SUCLA2: variants seen among roughly 807,000 people sequenced by gnomAD.
The protein encoded by SUCLA2 is succinate-CoA ligase ADP-forming subunit beta, also known as succinate--CoA ligase [ADP-forming] subunit beta, mitochondrial.
SUCLA2 carries 30 observed loss-of-function variants against 54.8 expected under a neutral mutation model. That is an observed-to-expected ratio of 0.55 (90% confidence interval 0.41 to 0.74). The LOEUF is 0.74. SUCLA2 is among the 30% of genes least tolerant of loss of function. SUCLA2 has a pLI of 0.00. For synonymous variants in SUCLA2, 172 were observed against 188.9 expected (o/e 0.91, Z 0.74); for missense variants, 476 against 562.9 (o/e 0.85, Z 1.56).
intron 8 of SUCLA2, among the ~76,000 whole-genome samples, chr13:47,951,308 G>C (rs9534880): frequency 0.72 from 96,825 of 133,882 alleles, 36,390 homozygotes; most frequent in Non-Finnish European, 0.81. Context: ...CCTCTAGTCC[G>C]CCACCCCGCC....
At chr13:47,963,437 A>T (rs970279026) in intron 6 of SUCLA2, among the ~76,000 whole-genome samples, 2 of 152,168 alleles carry the variant, frequency 1.3e-5, no homozygotes, top group African/African-American at 4.8e-5. Context: ...TGAGGTCAAG[A>T]GTTTGAGACC....
chr13:47,952,534 A>G (rs1481819233), intron 8 of SUCLA2, among the ~76,000 whole-genome samples: 1 of 151,994 alleles, frequency 6.6e-6, no homozygotes, highest in Non-Finnish European at 1.5e-5. Flanking sequence ...TCACCACCCA[A>G]TGATTCTCCC....
intron 4 of SUCLA2, chr13:47,987,800 G>A (rs1000226472): frequency 3.3e-5 from 5 of 151,894 alleles, no homozygotes; most frequent in Non-Finnish European, 7.4e-5. Flanking sequence ...AATCCGTACT[G>A]GGGCTTTCAA....
intron 6 of SUCLA2, among the ~76,000 whole-genome samples, chr13:47,966,520 G>T (rs1304955819): frequency 1.7e-5 from 1 of 58,126 alleles, no homozygotes; most frequent in Non-Finnish European, 4.5e-5. Context: ...AGTAATTGCC[G>T]TTTTTAAAAA....
chr13:47,965,447 A>G, intron 6 of SUCLA2: 1 of 392,946 alleles, frequency 2.5e-6, no homozygotes, highest in Non-Finnish European at 4.5e-6. Flanking sequence ...CATCAAACAG[A>G]GAAACACAAA....
intron 4 of SUCLA2, among the ~76,000 whole-genome samples, chr13:47,981,529 G>A (rs78190299): frequency 0.013 from 1,912 of 152,182 alleles, 49 homozygotes; most frequent in African/African-American, 0.044. Flanking sequence ...AAAATGGTAC[G>A]GCTCAGCTAG....
chr13:47,994,951 T>G (rs1176769665), intron 2 of SUCLA2: 2 of 658,602 alleles, frequency 3.0e-6, no homozygotes, highest in Non-Finnish European at 3.8e-6. Flanking sequence ...GCATCTGAAT[T>G]AATCCTATTC....
chr13:47,943,211 G>T lies in SUCLA2; in HGVS notation c.*160C>A. On this transcript the variant is annotated 3_prime_UTR_variant, in exon 11 of 11. Coordinates refer to ENST00000646932, the MANE Select transcript of SUCLA2 (RefSeq NM_003850.3). ...TCGTACAAACAGTCCATTCTGAATG[G>T]TACAATTAAATGCAGTCCAAATCCT... 1.3e-6 allele frequency: 1 copy of T among 761,036 alleles called. No individual in the cohort carries two copies. Among genetic ancestry groups the T allele is most frequent in the Non-Finnish European group, 2.4e-6 (1 of 424,660 alleles). The allele number at this position is 761,036 out of a possible 1,614,324, so 47.1% of individuals were successfully genotyped here.
rs6561422 is a variant in SUCLA2 at position 47,982,516 on chromosome 13, G to T, written c.534+6025C>A. On this transcript the variant is annotated intron_variant, in intron 4 of 10. Transcript: ENST00000646932. ...AAAATTAAAGAAAAAAAAAGATTTG[G>T]ATATCTGTTCTGGAGATGTTGCACA... Among the ~76,000 whole-genome samples, 467 of 152,146 alleles carry T rather than the reference G, an allele frequency of 3.1e-3. 3 individuals carry two copies. Among genetic ancestry groups the T allele is most frequent in the African/African-American group, 0.011 (447 of 41,496 alleles).
chr13:47,969,288 G>A (rs960484461), intron 5 of SUCLA2, among the ~76,000 whole-genome samples: 2 of 150,464 alleles, frequency 1.3e-5, no homozygotes, highest in African/African-American at 4.8e-5. Context: ...TTTACCTTTT[G>A]TATAATTTAT....
chr13:47,959,512 AGGAG>A (rs1949850523), intron 6 of SUCLA2, among the ~76,000 whole-genome samples: 8 of 125,260 alleles, frequency 6.4e-5, no homozygotes, highest in East Asian at 2.7e-4. Flanking sequence ...GGGGAGGAGG[AGGAG>A]GAGGAGGAGG....
intron 10 of SUCLA2, 28 bp from the exon 11 acceptor site, chr13:47,943,473 C>G (rs761681391): frequency 5.6e-6 from 9 of 1,610,842 alleles, no homozygotes; most frequent in Non-Finnish European, 7.6e-6. Context: ...AGAATTTTCA[C>G]AAAAAGGTAA....
chr13:47,944,817 T>C (rs1170176756), intron 10 of SUCLA2, among the ~76,000 whole-genome samples: 1 of 152,182 alleles, frequency 6.6e-6, no homozygotes, highest in East Asian at 1.9e-4. Context: ...TGACATCACA[T>C]TAACTCGGTA....
At chr13:47,945,671 CACACACACACACACAA>C (rs1013965704) in intron 10 of SUCLA2, 55 of 106,130 alleles carry the variant, frequency 5.2e-4, no homozygotes, top group East Asian at 2.1e-3. Context: ...CACACACACA[CACACACACACACACAA>C]AGTCCCCCCC....
At chr13:47,995,190 A>C (rs996048323) in intron 2 of SUCLA2, among the ~76,000 whole-genome samples, 1 of 152,190 alleles carries the variant, frequency 6.6e-6, no homozygotes, top group Non-Finnish European at 1.5e-5. Flanking sequence ...CTATCTCTAA[A>C]AAAAATTTTT....
At chr13:47,960,715 AAG>A (rs1410838194) in intron 6 of SUCLA2, among the ~76,000 whole-genome samples, 1 of 152,142 alleles carries the variant, frequency 6.6e-6, no homozygotes, top group Admixed American at 6.6e-5. Context: ...AAAAAAAAAA[AAG>A]AGAGACTTTC....
chr13:47,948,399 G>C (rs981653404), intron 10 of SUCLA2, among the ~76,000 whole-genome samples: 45 of 152,036 alleles, frequency 3.0e-4, no homozygotes, highest in Admixed American at 3.9e-4. Context: ...GTGCGCACAT[G>C]TGTGAAGATA....
intron 2 of SUCLA2, among the ~76,000 whole-genome samples, chr13:47,992,128 A>C (rs1950154594): frequency 6.6e-6 from 1 of 152,232 alleles, no homozygotes; most frequent in African/African-American, 2.4e-5. Flanking sequence ...GTGCAAATGT[A>C]ATGTAAAAAA....
intron 6 of SUCLA2, among the ~76,000 whole-genome samples, chr13:47,961,485 A>C (rs1949870634): frequency 6.6e-6 from 1 of 151,392 alleles, no homozygotes; most frequent in Non-Finnish European, 1.5e-5. Context: ...TCTATAAGCA[A>C]AATTTCAAGA....
Sources: allele counts gnomAD v4.1 joint callset (sites outside exome capture counted in the v4.1 genomes callset), GRCh38; gene constraint gnomAD v4.1.1; transcripts MANE v1.5; gene names NCBI Gene and HGNC (gene_info 2026-07-23, HGNC 2026-07-21).